The following ZC2HC1A variants were observed in gnomAD, a reference collection of about 807,000 sequenced individuals.
ZC2HC1A encodes the protein zinc finger C2HC domain-containing protein 1A.
Under a neutral mutation model 40.7 loss-of-function variants are expected in ZC2HC1A, and 28 were observed. The ratio of observed to expected loss-of-function variants is 0.69; its 90% CI spans 0.51 to 0.94. ZC2HC1A has a LOEUF of 0.94. Among genes scored for constraint, ZC2HC1A ranks in the 40% least tolerant of loss-of-function variants. ZC2HC1A has a pLI of 0.00. For synonymous variants in ZC2HC1A, 129 were observed against 129.2 expected (o/e 1.00, Z 0.01); for missense variants, 389 against 386.3 (o/e 1.01, Z -0.06).
At chr8:78,672,307 T>C (rs1171443811) in intron 1 of ZC2HC1A, among the ~76,000 whole-genome samples, 1 of 152,154 alleles carries the variant, frequency 6.6e-6, no homozygotes, top group Non-Finnish European at 1.5e-5. Context: ...CACTTTATTA[T>C]TTAATTAGTT....
Position 78,717,471 on chromosome 8 carries a change from G to T in ZC2HC1A, c.956G>T (p.Gly319Val). 1 of 1,584,386 alleles carries T rather than the reference G, an allele frequency of 6.3e-7. No individual in the cohort carries two copies. The change falls in exon 9 of 9, where the codon GGC (glycine) becomes GTC (valine). Residue 319 changes from glycine (G) to valine (V), a missense_variant. Transcript: ENST00000263849. ...VEWAKFCCEC[G>V]IRRMIL Reference sequence around the variant, plus strand: ...TGGGCCAAATTTTGCTGTGAATGTGGCATTCGAAGAATGATTCTATGAATA... The same window carrying T: ...TGGGCCAAATTTTGCTGTGAATGTGTCATTCGAAGAATGATTCTATGAATA...
intron 5 of ZC2HC1A, among the ~76,000 whole-genome samples, chr8:78,696,392 C>T (rs557237553): frequency 6.6e-6 from 1 of 152,192 alleles, no homozygotes; most frequent in Non-Finnish European, 1.5e-5. Context: ...ATTCCAAGCA[C>T]ATATGCAAGT....
chr8:78,690,753 T>A (rs2130509485), intron 5 of ZC2HC1A, among the ~76,000 whole-genome samples: 1 of 152,302 alleles, frequency 6.6e-6, no homozygotes, highest in Middle Eastern at 3.4e-3. Context: ...TTTCTGATCA[T>A]TTAGGTTTTA....
intron 1 of ZC2HC1A, among the ~76,000 whole-genome samples, chr8:78,671,864 A>T (rs1202764988): frequency 1.3e-5 from 2 of 152,162 alleles, no homozygotes; most frequent in African/African-American, 2.4e-5. Flanking sequence ...AACTTTATTT[A>T]AAAAGTCAGT....
intron 3 of ZC2HC1A, among the ~76,000 whole-genome samples, chr8:78,679,999 G>A (rs777220109): frequency 2.4e-4 from 36 of 152,090 alleles, no homozygotes; most frequent in Non-Finnish European, 4.3e-4. Context: ...TGGCTCAAGA[G>A]TCAGACTGTC....
At chr8:78,695,629 T>C (rs1017174275) in intron 5 of ZC2HC1A, among the ~76,000 whole-genome samples, 10 of 152,194 alleles carry the variant, frequency 6.6e-5, no homozygotes, top group Admixed American at 2.6e-4. Flanking sequence ...TAATTTTAAG[T>C]CTTTTCTAAT....
intron 7 of ZC2HC1A, among the ~76,000 whole-genome samples, chr8:78,703,452 G>A (rs1448789352): frequency 1.3e-5 from 2 of 151,870 alleles, no homozygotes; most frequent in Admixed American, 6.6e-5. Flanking sequence ...ATGAATCTGA[G>A]TGCTCCTGTG....
intron 8 of ZC2HC1A, among the ~76,000 whole-genome samples, chr8:78,716,398 C>T (rs1811104152): frequency 6.6e-6 from 1 of 152,124 alleles, no homozygotes; most frequent in South Asian, 2.1e-4. Context: ...GCTGGGATTA[C>T]AGGTGTGAGC....
chr8:78,671,844 C>G (rs1809444579), intron 1 of ZC2HC1A, among the ~76,000 whole-genome samples: 1 of 152,082 alleles, frequency 6.6e-6, no homozygotes, highest in South Asian at 2.1e-4. Flanking sequence ...TTTAATCATT[C>G]TTATATATAA....
intron 3 of ZC2HC1A, among the ~76,000 whole-genome samples, chr8:78,683,320 T>A (rs1023473234): frequency 1.1e-4 from 16 of 152,240 alleles, no homozygotes; most frequent in Non-Finnish European, 5.9e-5. Flanking sequence ...GAAACAAACT[T>A]CTTCCTGGAC....
chr8:78,678,452 G>A, intron 2 of ZC2HC1A, 111 bp from the exon 3 acceptor site: 2 of 744,248 alleles, frequency 2.7e-6, no homozygotes, highest in African/African-American at 1.8e-5. Context: ...TTTGTATTCA[G>A]GTTTTTCATT....
chr8:78,717,447 G>T lies in ZC2HC1A; in HGVS notation c.932G>T (p.Trp311Leu). 1 of 1,605,290 alleles carries T rather than the reference G, an allele frequency of 6.2e-7. No homozygotes were observed. Among genetic ancestry groups the T allele is most frequent in the South Asian group, 1.1e-5 (1 of 88,406 alleles). Residue 311 changes from tryptophan to leucine, a missense_variant, in exon 9 of 9, where the codon TGG becomes TTG. Coordinates refer to ENST00000263849, the MANE Select transcript of ZC2HC1A (RefSeq NM_016010.3). ...TGTGGGACTAAATACCCTGTAGAAT[G>T]GGCCAAATTTTGCTGTGAATGTGGC... Reference protein sequence around the residue: ...HECGTKYPVEWAKFCCECGIR... With the variant: ...HECGTKYPVELAKFCCECGIR...
intron 7 of ZC2HC1A, among the ~76,000 whole-genome samples, chr8:78,703,666 T>C (rs1810679203): frequency 6.6e-6 from 1 of 152,028 alleles, no homozygotes; most frequent in Admixed American, 6.6e-5. Context: ...TTTGATCCCA[T>C]GTGTGTCATT....
intron 7 of ZC2HC1A, among the ~76,000 whole-genome samples, chr8:78,704,337 G>A (rs1019721618): frequency 7.4e-5 from 11 of 148,446 alleles, no homozygotes; most frequent in Admixed American, 2.0e-4. Flanking sequence ...GCAGTGAGCC[G>A]AGATTGCGCC....
intron 5 of ZC2HC1A, among the ~76,000 whole-genome samples, chr8:78,690,182 C>T (rs78247446): frequency 0.051 from 7,781 of 152,190 alleles, 278 homozygotes; most frequent in Middle Eastern, 0.082. Context: ...TAGTCAATAC[C>T]GCATTATCAC....
rs1005027874 is a variant in ZC2HC1A, at chr8:78,706,341, T to C, written c.704+7828T>C. Among the ~76,000 whole-genome samples the C allele has an allele frequency of 2.6e-5, 4 of 152,178 alleles. No individual in the cohort carries two copies. The South Asian group carries it at 8.3e-4, about 32-fold the overall frequency. On this transcript the variant is annotated intron_variant, in intron 7 of 8. Transcript: ENST00000263849. Reference sequence around the variant, plus strand: ...GTCTAACATCCTGCTTTGCTGGAGTTGCAGTTACTTTTGCTGGGAAGTTTG... The same window carrying C: ...GTCTAACATCCTGCTTTGCTGGAGTCGCAGTTACTTTTGCTGGGAAGTTTG...
intron 5 of ZC2HC1A, among the ~76,000 whole-genome samples, chr8:78,689,892 G>A (rs547446176): frequency 1.4e-4 from 22 of 152,154 alleles, no homozygotes; most frequent in Non-Finnish European, 2.4e-4. Flanking sequence ...TACTAGGATT[G>A]CAAAGATTTT....
intron 5 of ZC2HC1A, among the ~76,000 whole-genome samples, chr8:78,693,820 T>A (rs1169873911): frequency 6.6e-6 from 1 of 152,234 alleles, no homozygotes; most frequent in Non-Finnish European, 1.5e-5. Context: ...GCCTGTGTCC[T>A]GAATGGTATT....
At chr8:78,700,345 TC>T (rs1322307176) in intron 7 of ZC2HC1A, among the ~76,000 whole-genome samples, 1 of 152,130 alleles carries the variant, frequency 6.6e-6, no homozygotes, top group African/African-American at 2.4e-5. Flanking sequence ...TTTCTTTTTT[TC>T]TTGTAAGTTT....
Sources: allele counts gnomAD v4.1 joint callset (sites outside exome capture counted in the v4.1 genomes callset), GRCh38; gene constraint gnomAD v4.1.1; transcripts MANE v1.5; gene names NCBI Gene and HGNC (gene_info 2026-07-23, HGNC 2026-07-21).